Variants in VIT observed in about 807,000 individuals in gnomAD.
VIT encodes vitrin.
Under a neutral mutation model 78.0 loss-of-function variants are expected in VIT, and 99 were observed. The ratio of observed to expected loss-of-function variants is 1.27; its 90% CI spans 1.08 to 1.50. The LOEUF is 1.50. VIT is among the 40% of genes most tolerant of loss of function. The pLI, the probability that VIT is intolerant of heterozygous loss-of-function variation, is 0.00. For synonymous variants in VIT, 374 were observed against 334.3 expected (o/e 1.12, Z -1.29); for missense variants, 1,126 against 875.3 (o/e 1.29, Z -3.61).
intron 1 of VIT, among the ~76,000 whole-genome samples, chr2:36,712,325 G>A (rs1207236244): frequency 2.0e-5 from 3 of 152,130 alleles, no homozygotes; most frequent in South Asian, 4.1e-4. Flanking sequence ...AGATCGCGGG[G>A]ATTAGAGCAA....
At chr2:36,757,711 G>A (rs554697055) in intron 5 of VIT, among the ~76,000 whole-genome samples, 1 of 152,300 alleles carries the variant, frequency 6.6e-6, no homozygotes, top group African/African-American at 2.4e-5. Context: ...AACACCAGAA[G>A]AAATTTTTGC....
At chr2:36,756,767 A>G (rs1347307747) in intron 5 of VIT, among the ~76,000 whole-genome samples, 1 of 152,222 alleles carries the variant, frequency 6.6e-6, no homozygotes, top group Non-Finnish European at 1.5e-5. Flanking sequence ...GAATACAAAT[A>G]TGTTGAGACA....
chr2:36,701,644 C>T (rs1167154621), intron 1 of VIT, among the ~76,000 whole-genome samples: 1 of 152,128 alleles, frequency 6.6e-6, no homozygotes, highest in African/African-American at 2.4e-5. Flanking sequence ...CCTATGCCCT[C>T]GGGGGAACCT....
In VIT at chr2:36,731,918, T is replaced by C. The variant is rs116168759; in HGVS notation, c.118+2427T>C. On this transcript the variant is annotated intron_variant, in intron 3 of 15. Coordinates refer to ENST00000379242, the MANE Select transcript of VIT (RefSeq NM_053276.4). ...AAAGAAAGATTTGCTTCACACAGCC[T>C]CCTTTTTTCTTCTGCTCTTTTAAAC... is the stretch of plus-strand genomic sequence containing the variant. Among the ~76,000 whole-genome samples the C allele has an allele frequency of 8.8e-3, 1,335 of 152,360 alleles. 17 individuals are homozygous for C. Among genetic ancestry groups the C allele is most frequent in the African/African-American group, 0.03 (1,253 of 41,588 alleles).
chr2:36,748,195 C>T (rs1668252716), intron 4 of VIT, among the ~76,000 whole-genome samples: 2 of 152,112 alleles, frequency 1.3e-5, no homozygotes, highest in Admixed American at 6.6e-5. Flanking sequence ...TGACTATCTA[C>T]CTTCAGAATG....
At chr2:36,788,489 C>A (rs1292570685) in intron 12 of VIT, among the ~76,000 whole-genome samples, 3 of 152,202 alleles carry the variant, frequency 2.0e-5, no homozygotes, top group Non-Finnish European at 4.4e-5. Flanking sequence ...AGTTAACTGG[C>A]ACTTGTATGT....
chr2:36,802,714 G>C (rs1030027522), intron 13 of VIT, among the ~76,000 whole-genome samples: 6 of 152,204 alleles, frequency 3.9e-5, no homozygotes, highest in African/African-American at 1.4e-4. Context: ...TCCTTGACGA[G>C]GTTAGCGATG....
In VIT at chr2:36,783,349, C is replaced by G. The variant is rs537297321; in HGVS notation, c.857C>G (p.Pro286Arg). The G allele has an allele frequency of 1.1e-5, 17 of 1,614,056 alleles. No individual in the cohort carries two copies. The East Asian group carries it at 3.6e-4, about 34-fold the overall frequency. Reference protein sequence around the residue: ...GSVLLDEGLVPKEELSTQSLE... With the variant: ...GSVLLDEGLVRKEELSTQSLE... ...TTACTGCTCTTTCCAGGACTTGTTC[C>G]AAAAGAAGAATTGAGCACACAGTCT... The change falls in exon 11 of 16, where the codon CCA becomes CGA. Residue 286 changes from proline (P) to arginine (R), a missense_variant. Physicochemically the swap from Pro to Arg is moderately radical, Grantham distance 103. Transcript: ENST00000379242.
chr2:36,716,488 C>A, intron 2 of VIT, 66 bp downstream of exon 2: 1 of 1,502,198 alleles, frequency 6.7e-7, no homozygotes, highest in Non-Finnish European at 9.2e-7. Context: ...AAGAATCTAG[C>A]CAAGAAAAGT....
chr2:36,795,997 T>C (rs1301511701), intron 12 of VIT, among the ~76,000 whole-genome samples: 1 of 151,844 alleles, frequency 6.6e-6, no homozygotes, highest in African/African-American at 2.4e-5. Context: ...GAAGAGGAAA[T>C]TTGCTAGTCT....
intron 2 of VIT, among the ~76,000 whole-genome samples, chr2:36,718,340 G>A (rs147153297): frequency 6.6e-6 from 1 of 152,274 alleles, no homozygotes; most frequent in African/African-American, 2.4e-5. Context: ...GGGGGCTCCA[G>A]GCATGGTGGA....
chr2:36,787,369 C>A, intron 12 of VIT, 93 bp downstream of exon 12: 1 of 1,463,112 alleles, frequency 6.8e-7, no homozygotes, highest in South Asian at 1.4e-5. Context: ...CAAATATTAC[C>A]AACATGTCCT....
At chr2:36,735,544 C>T (rs751768876) in intron 3 of VIT, among the ~76,000 whole-genome samples, 53 of 152,180 alleles carry the variant, frequency 3.5e-4, no homozygotes, top group Non-Finnish European at 6.2e-4. Context: ...TGTCCAAGTC[C>T]ATGTTATCTC....
chr2:36,802,857 C>T (rs912184196), intron 13 of VIT, among the ~76,000 whole-genome samples: 1 of 152,186 alleles, frequency 6.6e-6, no homozygotes, highest in African/African-American at 2.4e-5. Flanking sequence ...GAATTTCAGG[C>T]TATTAAGTAG....
intron 4 of VIT, among the ~76,000 whole-genome samples, chr2:36,748,777 A>G (rs1214804644): frequency 6.6e-6 from 1 of 152,226 alleles, no homozygotes; most frequent in Non-Finnish European, 1.5e-5. Context: ...AACTTCGTGC[A>G]AGGTTGCTAG....
intron 13 of VIT, 149 bp from the exon 14 acceptor site, chr2:36,805,289 G>C: frequency 1.1e-6 from 1 of 880,850 alleles, no homozygotes; most frequent in Non-Finnish European, 1.6e-6. Flanking sequence ...GGGCAACAGA[G>C]CAAGACCCTG....
chr2:36,807,264 T>A (rs990864372), intron 14 of VIT, among the ~76,000 whole-genome samples: 4 of 152,224 alleles, frequency 2.6e-5, no homozygotes, highest in African/African-American at 9.6e-5. Context: ...CCTTCATTGC[T>A]ACCCATTGCT....
In VIT at chr2:36,781,073, G is replaced by A. The variant is rs376259463; in HGVS notation, c.803-654G>A. On this transcript the variant is annotated intron_variant, in intron 9 of 15. Transcript: ENST00000379242. Reference sequence around the variant, plus strand: ...AAACATCTTACTGCATACAGGTCCAGGTGCTACTTTCCTTTATTCTGCTTG... The same window carrying A: ...AAACATCTTACTGCATACAGGTCCAAGTGCTACTTTCCTTTATTCTGCTTG... Among the ~76,000 whole-genome samples, 6 of 152,312 alleles carry A rather than the reference G, an allele frequency of 3.9e-5. No individual in the cohort carries two copies. In the East Asian group the frequency reaches 7.7e-4, roughly 20 times the overall value.
intron 3 of VIT, among the ~76,000 whole-genome samples, chr2:36,729,919 T>C (rs891521613): frequency 2.6e-5 from 4 of 152,154 alleles, no homozygotes; most frequent in Non-Finnish European, 5.9e-5. Context: ...AAAAAGCCCA[T>C]GCAATTTCAC....
Sources: gnomAD v4.1 joint callset for allele counts (sites outside exome capture counted in the v4.1 genomes callset) on GRCh38, gnomAD v4.1.1 for gene constraint, MANE v1.5 for transcripts, NCBI Gene and HGNC (gene_info 2026-07-23, HGNC 2026-07-21) for gene names.